The following ANO4 variants were observed in gnomAD, a reference collection of about 807,000 sequenced individuals.
ANO4 encodes the protein anoctamin 4, also known as anoctamin-4.
A neutral mutation model predicts 141.9 loss-of-function variants in ANO4; 69 were observed. The observed-to-expected ratio is 0.49, with a 90% CI of 0.40 to 0.59. The LOEUF (loss-of-function observed/expected upper bound fraction) is 0.59, where lower values mean the gene tolerates loss of function less well. ANO4 is among the 20% of genes least tolerant of loss of function. The pLI, the probability that ANO4 is intolerant of heterozygous loss-of-function variation, is 0.00. For missense variants in ANO4, 894 were observed against 1,162.2 expected (o/e 0.77, Z 3.36); for synonymous variants, 350 against 394.3 (o/e 0.89, Z 1.33).
At chr12:100,722,663 T>A (rs771111295) in intron 1 of ANO4, among the ~76,000 whole-genome samples, 9 of 152,146 alleles carry the variant, frequency 5.9e-5, no homozygotes, top group Non-Finnish European at 1.2e-4. Context: ...GTTGTAAAAC[T>A]CAGATGACAA....
intron 7 of ANO4, among the ~76,000 whole-genome samples, chr12:100,986,139 T>C (rs527730898): frequency 6.6e-6 from 1 of 152,230 alleles, no homozygotes; most frequent in South Asian, 2.1e-4. Flanking sequence ...CCCTTAGACA[T>C]CAGTGCTCCT....
At chr12:100,801,091 T>TTCTCTC (rs1160327759) in intron 1 of ANO4, among the ~76,000 whole-genome samples, 13 of 107,328 alleles carry the variant, frequency 1.2e-4, no homozygotes, top group African/African-American at 4.8e-4. Flanking sequence ...GTTTGTCTAC[T>TTCTCTC]TGTCTCTCTC....
chr12:100,783,365 T>C (rs997980716), intron 3 of ANO4, among the ~76,000 whole-genome samples: 5 of 152,192 alleles, frequency 3.3e-5, no homozygotes, highest in African/African-American at 1.2e-4. Flanking sequence ...TTCTTTTTCA[T>C]TCCTACCATA....
At chr12:100,968,158 A>C (rs999894143) in intron 5 of ANO4, among the ~76,000 whole-genome samples, 9 of 152,246 alleles carry the variant, frequency 5.9e-5, no homozygotes, top group African/African-American at 1.9e-4. Context: ...TGAATAAATC[A>C]AAACAGCTAT....
intron 1 of ANO4, among the ~76,000 whole-genome samples, chr12:100,875,602 A>G (rs1328165659): frequency 1.3e-5 from 2 of 152,244 alleles, no homozygotes; most frequent in Non-Finnish European, 2.9e-5. Flanking sequence ...CCTATTGACA[A>G]ATATTTATTG....
intron 3 of ANO4, among the ~76,000 whole-genome samples, chr12:100,930,232 G>A (rs1476398056): frequency 6.6e-6 from 1 of 152,012 alleles, no homozygotes; most frequent in African/African-American, 2.4e-5. Context: ...GTGCTTGTGA[G>A]GTATTACTCA....
At chr12:101,089,916 C>T (rs1176160297) in intron 17 of ANO4, among the ~76,000 whole-genome samples, 4 of 152,148 alleles carry the variant, frequency 2.6e-5, no homozygotes, top group African/African-American at 9.7e-5. Flanking sequence ...AAACAAACAA[C>T]CCCATCAAAA....
At chr12:100,783,777 C>T (rs886521402) in intron 3 of ANO4, among the ~76,000 whole-genome samples, 29 of 152,142 alleles carry the variant, frequency 1.9e-4, no homozygotes, top group Admixed American at 1.4e-3. Context: ...CCCACAACTG[C>T]GTTTCTTCAC....
chr12:100,830,669 G>A (rs1217733234), intron 1 of ANO4, among the ~76,000 whole-genome samples: 1 of 152,008 alleles, frequency 6.6e-6, no homozygotes, highest in African/African-American at 2.4e-5. Context: ...TGGTTCTTAT[G>A]TCATCCTTCC....
At chr12:100,990,886 G>A (rs138343210) in intron 8 of ANO4, among the ~76,000 whole-genome samples, 1 of 152,158 alleles carries the variant, frequency 6.6e-6, no homozygotes, top group Admixed American at 6.6e-5. Context: ...AAATAGGATG[G>A]AGTGTTTTGA....
intron 3 of ANO4, among the ~76,000 whole-genome samples, chr12:100,761,850 T>C (rs2032870993): frequency 6.6e-6 from 1 of 152,170 alleles, no homozygotes; most frequent in Admixed American, 6.5e-5. Context: ...TTTCCCTACC[T>C]AGGTCCTAGT....
chr12:101,066,552 G>A (rs1228902662), intron 14 of ANO4, among the ~76,000 whole-genome samples: 2 of 152,108 alleles, frequency 1.3e-5, no homozygotes, highest in Non-Finnish European at 2.9e-5. Context: ...AACCAAAGAA[G>A]CAAAAGATCT....
At chr12:101,003,668 G>A (rs1408754888) in intron 8 of ANO4, among the ~76,000 whole-genome samples, 8 of 152,198 alleles carry the variant, frequency 5.3e-5, no homozygotes, top group South Asian at 2.1e-4. Context: ...TGATTTACAC[G>A]TAATTGCACA....
intron 6 of ANO4, 95 bp from the exon 7 acceptor site, chr12:100,974,750 T>G (rs771096911): frequency 7.5e-7 from 1 of 1,341,826 alleles, no homozygotes; most frequent in Non-Finnish European, 1.1e-6. Context: ...TCTTACAGGC[T>G]TCTATCTTCA....
chr12:101,127,148 G>A lies in ANO4; in HGVS notation c.*4+74G>A. Reference sequence around the variant, plus strand: ...GGTGCTTTAAACTCCCTGAAGCAAAGCTTACCATTGTTGCAGTAACAGGGA... The same window carrying A: ...GGTGCTTTAAACTCCCTGAAGCAAAACTTACCATTGTTGCAGTAACAGGGA... On this transcript the variant is annotated intron_variant, in intron 27 of 27. Transcript: ENST00000392977. The A allele has an allele frequency of 5.1e-6, 7 of 1,378,232 alleles. No homozygotes were observed. The South Asian group carries it at 5.4e-5, about 11-fold the overall frequency. The allele number at this position is 1,378,232 out of a possible 1,614,324, so 85.4% of individuals were successfully genotyped here. A position where few individuals can be genotyped will look rare whatever the true frequency, so the allele number is the denominator to read the frequency against.
chr12:101,114,752 C>T (rs2050788466), intron 24 of ANO4, among the ~76,000 whole-genome samples: 1 of 152,080 alleles, frequency 6.6e-6, no homozygotes, highest in African/African-American at 2.4e-5. Context: ...CTCTCTGTGA[C>T]AGCTAATCAT....
At chr12:100,733,764 T>C (rs1312711744) in intron 1 of ANO4, 1 of 699,490 alleles carries the variant, frequency 1.4e-6, no homozygotes, top group Admixed American at 2.0e-5. Flanking sequence ...GTCTTTTATT[T>C]TCTTAACAGA....
At chr12:100,814,638 T>C (rs2035628976) in intron 1 of ANO4, among the ~76,000 whole-genome samples, 1 of 152,092 alleles carries the variant, frequency 6.6e-6, no homozygotes, top group African/African-American at 2.4e-5. Context: ...AAGATCCCAA[T>C]GGCCAAGAAT....
intron 7 of ANO4, among the ~76,000 whole-genome samples, chr12:100,975,960 C>G (rs1371810324): frequency 1.4e-5 from 2 of 143,998 alleles, no homozygotes; most frequent in South Asian, 2.2e-4. Flanking sequence ...AAAAAACCCA[C>G]CAGATGAAGA....
Sources: allele counts gnomAD v4.1 joint callset (sites outside exome capture counted in the v4.1 genomes callset), GRCh38; gene constraint gnomAD v4.1.1; transcripts MANE v1.5; gene names NCBI Gene and HGNC (gene_info 2026-07-23, HGNC 2026-07-21).